The following ADGRV1 variants were observed in gnomAD, a reference collection of about 807,000 sequenced individuals.
ADGRV1 encodes G-protein coupled receptor 98.
Under a neutral mutation model 596.2 loss-of-function variants are expected in ADGRV1, and 359 were observed. That is an observed-to-expected ratio of 0.60 (90% CI 0.55 to 0.66). The LOEUF is 0.66. ADGRV1 is among the 30% of genes least tolerant of loss of function. ADGRV1 has a pLI of 0.00. For missense variants in ADGRV1, 7,274 were observed against 7,575.6 expected, an observed-to-expected ratio of 0.96 and a Z score of 1.48; for synonymous variants, 2,681 against 2,679.2, an observed-to-expected ratio of 1.00 and a Z score of -0.02.
intron 85 of ADGRV1, among the ~76,000 whole-genome samples, chr5:91,036,579 G>A (rs1053922102): frequency 2.0e-5 from 3 of 149,140 alleles, no homozygotes; most frequent in South Asian, 4.2e-4. Context: ...AAAAAAAAAC[G>A]GCCAGGCCTG....
intron 5 of ADGRV1, among the ~76,000 whole-genome samples, chr5:90,624,016 G>T (rs868718871): frequency 4.6e-5 from 7 of 152,260 alleles, no homozygotes; most frequent in Middle Eastern, 6.8e-3. Flanking sequence ...AGCAATTTCA[G>T]ATACCAGTTT....
intron 5 of ADGRV1, among the ~76,000 whole-genome samples, chr5:90,624,624 T>C (rs1764501358): frequency 6.6e-6 from 1 of 152,218 alleles, no homozygotes; most frequent in South Asian, 2.1e-4. Flanking sequence ...CATTTATTTA[T>C]CATTTATTCC....
intron 79 of ADGRV1, among the ~76,000 whole-genome samples, chr5:90,849,848 C>T (rs561775147): frequency 9.9e-5 from 15 of 152,180 alleles, no homozygotes; most frequent in Admixed American, 2.6e-4. Flanking sequence ...TGAACAATAT[C>T]GATTGCCTTT....
rs1778360658 is a variant in ADGRV1, at chr5:90,965,395, G to T, written c.17857-20G>T. ...TCGATTTTAGCATATTTTAAAAATA[G>T]AAGTATCTGTTTCTTACAGATTCTG... On this transcript the variant is annotated intron_variant, in intron 83 of 89. Transcript: ENST00000405460. 1 of 1,395,076 alleles carries T rather than the reference G, an allele frequency of 7.2e-7. No individual in the cohort carries two copies. The highest frequency in any genetic ancestry group is 1.0e-6 in the Non-Finnish European group (1 of 980,246). 86.4% of individuals were successfully genotyped at this position (1,395,076 alleles called of 1,614,324 possible). A position where few individuals can be genotyped will look rare whatever the true frequency, so the allele number is the denominator to read the frequency against.
intron 3 of ADGRV1, among the ~76,000 whole-genome samples, chr5:90,618,841 A>G (rs933012509): frequency 1.3e-5 from 2 of 151,866 alleles, no homozygotes; most frequent in Non-Finnish European, 2.9e-5. Flanking sequence ...ATTTATAATT[A>G]TACTATCATA....
chr5:90,959,837 A>G (rs1777814444), intron 83 of ADGRV1, among the ~76,000 whole-genome samples: 2 of 152,222 alleles, frequency 1.3e-5, no homozygotes, highest in Admixed American at 6.5e-5. Flanking sequence ...ATGCAAACTA[A>G]TGTATTAGAA....
At position 90,702,043 on chromosome 5, in the gene ADGRV1, A is replaced by G. The variant is rs562200522; in HGVS notation, c.8156-1622A>G. 2.2e-4 allele frequency among the ~76,000 whole-genome samples: 34 copies of G among 151,898 alleles called. 2 individuals are homozygous for G. In the South Asian group the frequency reaches 6.9e-3, roughly 31 times the overall value. On this transcript the variant is annotated intron_variant, in intron 34 of 89. Coordinates refer to ENST00000405460, the MANE Select transcript of ADGRV1 (RefSeq NM_032119.4). ...ACTCTTATGAAAGAGTCACCAGACA[A>G]CACTGTAGGTGAAATAGCTTAATAA...
At chr5:91,053,487 C>T (rs1488901742) in intron 85 of ADGRV1, among the ~76,000 whole-genome samples, 1 of 152,106 alleles carries the variant, frequency 6.6e-6, no homozygotes, top group African/African-American at 2.4e-5. Flanking sequence ...AATCTCAAGC[C>T]CTGCTTCCCT....
chr5:90,689,620 G>A (rs1013435297), intron 29 of ADGRV1, among the ~76,000 whole-genome samples: 1 of 151,976 alleles, frequency 6.6e-6, no homozygotes, highest in African/African-American at 2.4e-5. Flanking sequence ...CTTTCTGAAA[G>A]TGAAGGAATG....
At chr5:91,107,820 T>C (rs547033218) in intron 87 of ADGRV1, among the ~76,000 whole-genome samples, 6 of 152,246 alleles carry the variant, frequency 3.9e-5, no homozygotes, top group Non-Finnish European at 5.9e-5. Context: ...ATAGCCTGGG[T>C]AACCTATCAA....
At chr5:90,890,344 G>C (rs1174260862) in intron 83 of ADGRV1, among the ~76,000 whole-genome samples, 1 of 152,090 alleles carries the variant, frequency 6.6e-6, no homozygotes, top group Non-Finnish European at 1.5e-5. Context: ...GATGAACTCT[G>C]AATGGTTTCC....
Position 90,778,977 on chromosome 5 carries a change from A to C in ADGRV1, c.12962A>C (p.Glu4321Ala). 6.2e-7 allele frequency: 1 copy of C among 1,613,446 alleles called. No individual in the cohort carries two copies. Among genetic ancestry groups the C allele is most frequent in the Non-Finnish European group, 8.5e-7 (1 of 1,179,538 alleles). Reference sequence around the variant, plus strand: ...TTGGATTTTGTTCCTGCAGCAGGGGAGCTCCTCTTTGAAGCAGGGGAGATG... The same window carrying C: ...TTGGATTTTGTTCCTGCAGCAGGGGCGCTCCTCTTTGAAGCAGGGGAGATG... ...AGLDFVPAAG[E>A]LLFEAGEMRK... Residue 4321 changes from glutamate to alanine, a missense_variant, in exon 64 of 90, where the codon GAG (glutamate) becomes GCG (alanine). Around this residue, in one of 5 missense-constraint regions of ADGRV1, gnomAD observed 3,643 missense variants for 3,809.2 expected, o/e 0.96. Transcript: ENST00000405460.
intron 79 of ADGRV1, among the ~76,000 whole-genome samples, chr5:90,851,134 TGAGAGAGAGA>T (rs141999531): frequency 3.7e-4 from 30 of 81,444 alleles, no homozygotes; most frequent in African/African-American, 8.1e-4. Flanking sequence ...TGTGTGTGTG[TGAGAGAGAGA>T]GAGAGAGAGA....
At chr5:90,559,213 G>C (rs185001488) in intron 1 of ADGRV1, among the ~76,000 whole-genome samples, 43 of 152,308 alleles carry the variant, frequency 2.8e-4, no homozygotes, top group Admixed American at 1.6e-3. Context: ...TGAATGAGCA[G>C]AGTGAAGAGT....
chr5:91,075,464 T>C (rs1788768967), intron 86 of ADGRV1, among the ~76,000 whole-genome samples: 2 of 152,148 alleles, frequency 1.3e-5, no homozygotes, highest in Admixed American at 1.3e-4. Flanking sequence ...AGTACCCTGA[T>C]TATCAGAAAA....
Position 91,124,641 on chromosome 5 carries a change from A to G in ADGRV1, c.18432+22301A>G, listed in dbSNP as rs573890195. On this transcript the variant is annotated intron_variant, in intron 87 of 89. Coordinates refer to ENST00000405460, the MANE Select transcript of ADGRV1 (RefSeq NM_032119.4). ...ACCCCTGAAGTTAACATAATGAAGG[A>G]TAGAAAAAAATGACAGATGGGACAA... 1.4e-4 allele frequency among the ~76,000 whole-genome samples: 21 copies of G among 152,336 alleles called. No homozygotes were observed. The East Asian group carries it at 1.5e-3, about 11-fold the overall frequency.
chr5:90,735,299 C>A (rs1205836902), intron 50 of ADGRV1, among the ~76,000 whole-genome samples: 2 of 152,136 alleles, frequency 1.3e-5, no homozygotes, highest in Non-Finnish European at 2.9e-5. Flanking sequence ...GTTCTTGGCA[C>A]CTTTGTCAAA....
chr5:91,140,855 A>G (rs891694035), intron 87 of ADGRV1, among the ~76,000 whole-genome samples: 3 of 152,238 alleles, frequency 2.0e-5, no homozygotes, highest in African/African-American at 4.8e-5. Flanking sequence ...GAAACTTAAC[A>G]GAATCATGAA....
At chr5:90,590,759 T>C in intron 1 of ADGRV1, among the ~76,000 whole-genome samples, 1 of 152,344 alleles carries the variant, frequency 6.6e-6, no homozygotes, top group Admixed American at 6.5e-5. Flanking sequence ...GAAAGTATAA[T>C]AATACACTGT....
Sources: gnomAD v4.1 joint callset for allele counts (sites outside exome capture counted in the v4.1 genomes callset) on GRCh38, gnomAD v4.1.1 for gene constraint, gnomAD v4.1.1 regional missense constraint, MANE v1.5 for transcripts, NCBI Gene and HGNC (gene_info 2026-07-23, HGNC 2026-07-21) for gene names.